PTK2B: variants seen among roughly 807,000 people sequenced by gnomAD.
PTK2B encodes protein tyrosine kinase 2 beta, also known as protein-tyrosine kinase 2-beta.
A neutral mutation model predicts 142.9 loss-of-function variants in PTK2B; 71 were observed. That is an observed-to-expected ratio of 0.50 (90% CI 0.41 to 0.61). PTK2B has a LOEUF of 0.61. Among genes scored for constraint, PTK2B ranks in the 20% least tolerant of loss-of-function variants. The probability of loss-of-function intolerance (pLI) is 0.00; values close to 1 mark genes in which losing one functional copy is unlikely to be tolerated. For synonymous variants in PTK2B, 519 were observed against 503.4 expected (o/e 1.03, Z -0.42); for missense variants, 1,105 against 1,320.4 (o/e 0.84, Z 2.53).
chr8:27,310,613 G>A (rs1802909933), upstream of PTK2B, among the ~76,000 whole-genome samples: 1 of 152,350 alleles, frequency 6.6e-6, no homozygotes, highest in Admixed American at 6.5e-5. Context: ...CCCAGCACGG[G>A]CCCCTGGGCC....
rs371050770 is a variant in PTK2B, at chr8:27,452,559, CA to C, written c.2549-537del. ...TCCAGCCTCGGTGCAAGCCCTGCCT[CA>C]AAAAAAAAAAAAAAAAAGAACAAAG... On this transcript the variant is annotated intron_variant, in intron 27 of 30. Transcript: ENST00000346049. 797 of 130,400 alleles carry C rather than the reference CA, an allele frequency of 6.1e-3. 19 individuals are homozygous for C. Among genetic ancestry groups the C allele is most frequent in the East Asian group, 0.026 (111 of 4,236 alleles). 8.1% of individuals were successfully genotyped at this position (130,400 alleles called of 1,614,324 possible).
chr8:27,328,857 C>G lies in PTK2B; in HGVS notation c.-38+3176C>G, dbSNP rs551421962. On this transcript the variant is annotated intron_variant, in intron 1 of 30. Coordinates refer to ENST00000346049, the MANE Select transcript of PTK2B (RefSeq NM_173176.3). ...AGAAGGCATAGCCCTTCTCATAACT[C>G]TAGCCAGGATGGACCTAATTCATTC... Among the ~76,000 whole-genome samples, 36 of 152,186 alleles carry G rather than the reference C, an allele frequency of 2.4e-4. No individual in the cohort carries two copies. The South Asian group carries it at 7.3e-3, about 31-fold the overall frequency.
chr8:27,370,136 C>T (rs1000781270), intron 1 of PTK2B, among the ~76,000 whole-genome samples: 2 of 152,188 alleles, frequency 1.3e-5, no homozygotes, highest in African/African-American at 4.8e-5. Context: ...CAGTTTTCCT[C>T]GTACCTGGCT....
chr8:27,356,833 C>G (rs1198366913), intron 1 of PTK2B, among the ~76,000 whole-genome samples: 1 of 152,168 alleles, frequency 6.6e-6, no homozygotes, highest in Non-Finnish European at 1.5e-5. Flanking sequence ...CTGTATGATT[C>G]CATTGACATC....
chr8:27,334,836 G>A (rs1057187959), intron 1 of PTK2B, among the ~76,000 whole-genome samples: 1 of 152,158 alleles, frequency 6.6e-6, no homozygotes, highest in African/African-American at 2.4e-5. Context: ...TGCCCTTCTT[G>A]CCTGTCCTGA....
intron 12 of PTK2B, 79 bp downstream of exon 12, chr8:27,434,211 C>T (rs370243615): frequency 7.9e-6 from 12 of 1,518,742 alleles, no homozygotes; most frequent in Non-Finnish European, 3.6e-6. Context: ...AACTGGGAGT[C>T]CCCACCTCCA....
At chr8:27,423,168 A>G (rs781036911) in intron 5 of PTK2B, among the ~76,000 whole-genome samples, 1 of 152,172 alleles carries the variant, frequency 6.6e-6, no homozygotes, top group Non-Finnish European at 1.5e-5. Context: ...TGTTAGAATG[A>G]CATAATTAGA....
rs149846861 is a variant in PTK2B, at chr8:27,395,475, T to A, written c.-37-2073T>A. On this transcript the variant is annotated intron_variant, in intron 1 of 30. Coordinates refer to ENST00000346049, the MANE Select transcript of PTK2B (RefSeq NM_173176.3). ...TGCTCTTTAGGGAAAGGCATGCTTT[T>A]CTCATCTTCATACCCTGTAGCAGGG... 3.5e-3 allele frequency among the ~76,000 whole-genome samples: 530 copies of A among 152,314 alleles called. 1 individual carries two copies. The highest frequency in any genetic ancestry group is 0.012 in the African/African-American group (501 of 41,556).
intron 1 of PTK2B, among the ~76,000 whole-genome samples, chr8:27,382,176 G>C (rs998068259): frequency 6.6e-6 from 1 of 152,156 alleles, no homozygotes; most frequent in Non-Finnish European, 1.5e-5. Flanking sequence ...TTGAACTCCT[G>C]TCCTCAAGTC....
Position 27,458,879 on chromosome 8 carries a change from GC to G in PTK2B, c.*371del. On this transcript the variant is annotated 3_prime_UTR_variant, in exon 31 of 31. Coordinates refer to ENST00000346049, the MANE Select transcript of PTK2B (RefSeq NM_173176.3). Reference sequence around the variant, plus strand: ...CATGGCAGGCCGATTTGGGAACCAAGCTATTCCTTTCCCTTCCTCTTCGGCC... The same window carrying G: ...CATGGCAGGCCGATTTGGGAACCAAGTATTCCTTTCCCTTCCTCTTCGGCC... 2.6e-6 allele frequency: 1 copy of G among 379,102 alleles called. No individual in the cohort carries two copies. 23.5% of individuals were successfully genotyped at this position (379,102 alleles called of 1,614,324 possible). A position where few individuals can be genotyped will look rare whatever the true frequency, so the allele number is the denominator to read the frequency against.
Position 27,454,229 on chromosome 8 carries a change from G to T in PTK2B, c.2671G>T (p.Val891Leu), listed in dbSNP as rs200062537. The T allele has an allele frequency of 2.5e-6, 4 of 1,614,162 alleles. No homozygotes were observed. Among genetic ancestry groups the T allele is most frequent in the South Asian group, 1.1e-5 (1 of 91,080 alleles). The change falls in exon 29 of 31, where the codon GTG becomes TTG. Residue 891 changes from valine (V) to leucine (L), a missense_variant. Transcript: ENST00000346049. ...YLNVMELVRA[V>L]LELKNELCQL... Reference sequence around the variant, plus strand: ...CAATGTCATGGAGCTGGTGCGGGCCGTGCTGGAGCTCAAGAATGAGCTCTG... The same window carrying T: ...CAATGTCATGGAGCTGGTGCGGGCCTTGCTGGAGCTCAAGAATGAGCTCTG...
intron 28 of PTK2B, chr8:27,453,889 C>G (rs1811976627): frequency 2.4e-6 from 1 of 425,128 alleles, no homozygotes; most frequent in Non-Finnish European, 4.2e-6. Flanking sequence ...AGAAAAAAAG[C>G]CTGCCTGCAC....
intron 2 of PTK2B, among the ~76,000 whole-genome samples, chr8:27,415,404 A>G (rs1301357114): frequency 6.6e-6 from 1 of 152,242 alleles, no homozygotes; most frequent in African/African-American, 2.4e-5. Flanking sequence ...CAGATTTGTT[A>G]ATAAAATAGC....
intron 5 of PTK2B, among the ~76,000 whole-genome samples, chr8:27,429,401 G>A (rs924428015): frequency 6.6e-6 from 1 of 152,218 alleles, no homozygotes; most frequent in Non-Finnish European, 1.5e-5. Context: ...AACAGTCAAT[G>A]AAATTACTAG....
intron 1 of PTK2B, among the ~76,000 whole-genome samples, chr8:27,333,671 C>T (rs1167652268): frequency 3.3e-5 from 5 of 152,140 alleles, no homozygotes; most frequent in African/African-American, 1.2e-4. Flanking sequence ...ATTCTTGATT[C>T]CCAGCCTGGC....
intron 1 of PTK2B, among the ~76,000 whole-genome samples, chr8:27,328,716 G>A (rs1803561737): frequency 6.6e-6 from 1 of 152,194 alleles, no homozygotes; most frequent in Admixed American, 6.5e-5. Flanking sequence ...TGCATAAAAA[G>A]ACACGTGTCA....
intron 1 of PTK2B, among the ~76,000 whole-genome samples, chr8:27,384,280 G>A (rs547393166): frequency 6.6e-5 from 10 of 152,344 alleles, no homozygotes; most frequent in Non-Finnish European, 1.3e-4. Flanking sequence ...ACAGGCATGA[G>A]CCACTGTGCC....
Position 27,337,111 on chromosome 8 carries a change from A to G in PTK2B, c.-38+11430A>G, listed in dbSNP as rs754525651. Among the ~76,000 whole-genome samples the G allele has an allele frequency of 1.8e-3, 270 of 152,100 alleles. 2 individuals are homozygous for G. The highest frequency in any genetic ancestry group is 3.4e-3 in the Middle Eastern group (1 of 294). On this transcript the variant is annotated intron_variant, in intron 1 of 30. Coordinates refer to ENST00000346049, the MANE Select transcript of PTK2B (RefSeq NM_173176.3). ...AATGTGCAATTCAATGAGTTTTAGT[A>G]CGTTCACAGAGTTGTGCAACCATCA...
At chr8:27,347,315 G>A (rs1374776930) in intron 1 of PTK2B, among the ~76,000 whole-genome samples, 1 of 151,166 alleles carries the variant, frequency 6.6e-6, no homozygotes, top group African/African-American at 2.4e-5. Context: ...AGGAGGCAGA[G>A]GTTGCAGTGA....
Sources: allele counts gnomAD v4.1 joint callset (sites outside exome capture counted in the v4.1 genomes callset), GRCh38; gene constraint gnomAD v4.1.1; transcripts MANE v1.5; gene names NCBI Gene and HGNC (gene_info 2026-07-23, HGNC 2026-07-21).